Variants in CDH11 observed in about 807,000 individuals in gnomAD.
CDH11 encodes the protein cadherin-11.
Under a neutral mutation model 67.8 loss-of-function variants are expected in CDH11, and 11 were observed. That is an observed-to-expected ratio of 0.16 (90% CI 0.10 to 0.27). The LOEUF (loss-of-function observed/expected upper bound fraction) is 0.27, where lower values mean the gene tolerates loss of function less well. CDH11 is among the 10% of genes least tolerant of loss of function. CDH11 has a pLI of 1.00. For missense variants in CDH11, 847 were observed against 1,031.2 expected, an observed-to-expected ratio of 0.82 and a Z score of 2.45; for synonymous variants, 419 against 400.0, an observed-to-expected ratio of 1.05 and a Z score of -0.57.
At position 65,066,017 on chromosome 16, in the gene CDH11, C is replaced by T. The variant is rs115794640; in HGVS notation, c.-297-12089G>A. Reference sequence around the variant, plus strand: ...AGGGATTCACATCCATGCAGTCTGACGCCAGAGCGTCCTCTCTTAAGCACC... The same window carrying T: ...AGGGATTCACATCCATGCAGTCTGATGCCAGAGCGTCCTCTCTTAAGCACC... On this transcript the variant is annotated intron_variant, in intron 1 of 12. Transcript: ENST00000268603. Among the ~76,000 whole-genome samples the T allele has an allele frequency of 6.6e-3, 1,006 of 152,322 alleles. 13 individuals carry two copies. The highest frequency in any genetic ancestry group is 0.022 in the African/African-American group (932 of 41,578).
intron 2 of CDH11, among the ~76,000 whole-genome samples, chr16:65,010,714 C>G (rs1407276232): frequency 1.3e-5 from 2 of 151,904 alleles, no homozygotes; most frequent in African/African-American, 4.8e-5. Flanking sequence ...ATCTGAGTCT[C>G]TGCTTCTGGA....
At chr16:65,061,892 A>T (rs922493774) in intron 1 of CDH11, among the ~76,000 whole-genome samples, 2 of 152,224 alleles carry the variant, frequency 1.3e-5, no homozygotes, top group Admixed American at 6.5e-5. Flanking sequence ...TGACAATCTT[A>T]TAAGTCAGGT....
At chr16:65,060,159 TA>T in intron 1 of CDH11, among the ~76,000 whole-genome samples, 1 of 152,314 alleles carries the variant, frequency 6.6e-6, no homozygotes. Context: ...CTAGAGAAGT[TA>T]AACAACTTGC....
intron 1 of CDH11, among the ~76,000 whole-genome samples, chr16:65,117,845 C>T (rs2075267414): frequency 6.6e-6 from 1 of 151,894 alleles, no homozygotes; most frequent in East Asian, 1.9e-4. Context: ...CCTCCCAGAT[C>T]ACTGTCTCAG....
chr16:64,985,490 A>T (rs1013051555), intron 7 of CDH11: 1 of 151,784 alleles, frequency 6.6e-6, no homozygotes, highest in Non-Finnish European at 1.5e-5. Context: ...GCCCATCATG[A>T]GTTATTTTTT....
At chr16:65,044,279 T>C (rs1303597118) in intron 2 of CDH11, among the ~76,000 whole-genome samples, 1 of 152,208 alleles carries the variant, frequency 6.6e-6, no homozygotes, top group Non-Finnish European at 1.5e-5. Context: ...TAATTGGCGA[T>C]GTGGTAACCC....
intron 3 of CDH11, among the ~76,000 whole-genome samples, chr16:65,004,244 G>T (rs1185577245): frequency 1.3e-5 from 2 of 152,062 alleles, no homozygotes; most frequent in Non-Finnish European, 2.9e-5. Context: ...ATGGTGGCAT[G>T]AACCTGTAGT....
intron 1 of CDH11, among the ~76,000 whole-genome samples, chr16:65,106,932 T>G (rs1480008192): frequency 6.6e-6 from 1 of 151,640 alleles, no homozygotes; most frequent in African/African-American, 2.4e-5. Flanking sequence ...CCATCAATCT[T>G]GTATGCCTGA....
chr16:65,118,152 A>T (rs1156759845), intron 1 of CDH11, among the ~76,000 whole-genome samples: 2 of 152,232 alleles, frequency 1.3e-5, no homozygotes, highest in African/African-American at 4.8e-5. Flanking sequence ...CAGTTGGAGA[A>T]GGGTGCCATT....
chr16:64,952,874 T>C (rs1237634293), intron 11 of CDH11, among the ~76,000 whole-genome samples: 1 of 152,180 alleles, frequency 6.6e-6, no homozygotes, highest in Non-Finnish European at 1.5e-5. Context: ...TTAATATATT[T>C]TAGGTTAAAG....
In CDH11 at chr16:64,999,818, A is replaced by G. The variant is rs919367; in HGVS notation, c.229-962T>C. 1.5e-3 allele frequency among the ~76,000 whole-genome samples: 229 copies of G among 152,268 alleles called. 2 individuals are homozygous for G. Among genetic ancestry groups the G allele is most frequent in the African/African-American group, 5.4e-3 (224 of 41,560 alleles). ...CCAAAGTGCTGGGATTACACACATGAGCCACCATGCCTGGCCAATGTTTTT... is the reference window on the plus strand; with the variant it reads ...CCAAAGTGCTGGGATTACACACATGGGCCACCATGCCTGGCCAATGTTTTT... On this transcript the variant is annotated intron_variant, in intron 3 of 12. Coordinates refer to ENST00000268603, the MANE Select transcript of CDH11 (RefSeq NM_001797.4).
At chr16:64,961,779 G>C (rs1200732464) in intron 11 of CDH11, among the ~76,000 whole-genome samples, 1 of 151,938 alleles carries the variant, frequency 6.6e-6, no homozygotes, top group Non-Finnish European at 1.5e-5. Context: ...ATAATTACCA[G>C]GTCACTAGGC....
At chr16:65,083,193 A>T (rs2074641220) in intron 1 of CDH11, among the ~76,000 whole-genome samples, 1 of 152,172 alleles carries the variant, frequency 6.6e-6, no homozygotes, top group Admixed American at 6.5e-5. Context: ...GCTCCTTTTC[A>T]GATTTGGAAT....
intron 1 of CDH11, among the ~76,000 whole-genome samples, chr16:65,061,830 A>G (rs547486693): frequency 5.9e-5 from 9 of 152,338 alleles, no homozygotes; most frequent in Non-Finnish European, 7.3e-5. Flanking sequence ...AGAATTTCCA[A>G]TGGACCAGGT....
chr16:65,083,213 C>T lies in CDH11; in HGVS notation c.-297-29285G>A, dbSNP rs539029405. Among the ~76,000 whole-genome samples the T allele has an allele frequency of 2.6e-5, 4 of 152,230 alleles. No homozygotes were observed. In the South Asian group the frequency reaches 8.3e-4, roughly 32 times the overall value. On this transcript the variant is annotated intron_variant, in intron 1 of 12. Transcript: ENST00000268603. ...TTTTCAGATTTGGAATTTGGATCCACGTTTGTCTCCCTGCAAAGCCTGCAC... is the reference window on the plus strand; with the variant it reads ...TTTTCAGATTTGGAATTTGGATCCATGTTTGTCTCCCTGCAAAGCCTGCAC...
chr16:65,050,624 GA>G (rs2074038873), intron 2 of CDH11, among the ~76,000 whole-genome samples: 1 of 152,144 alleles, frequency 6.6e-6, no homozygotes, highest in Non-Finnish European at 1.5e-5. Flanking sequence ...CCATCAAGAA[GA>G]AGCTTAACCT....
intron 1 of CDH11, among the ~76,000 whole-genome samples, chr16:65,090,951 T>C (rs1304543464): frequency 6.6e-6 from 1 of 152,200 alleles, no homozygotes; most frequent in African/African-American, 2.4e-5. Flanking sequence ...AAATTGAAAA[T>C]GAATAAAATT....
intron 1 of CDH11, among the ~76,000 whole-genome samples, chr16:65,106,169 A>T (rs1303343156): frequency 6.6e-6 from 1 of 152,168 alleles, no homozygotes; most frequent in Non-Finnish European, 1.5e-5. Flanking sequence ...ACAGAGCTCA[A>T]CTGTTTTTCC....
At chr16:65,048,453 T>A (rs1025372223) in intron 2 of CDH11, among the ~76,000 whole-genome samples, 1 of 152,178 alleles carries the variant, frequency 6.6e-6, no homozygotes, top group African/African-American at 2.4e-5. Context: ...ATGTGTCTAT[T>A]ACAACACTAT....
Sources: allele counts gnomAD v4.1 joint callset (sites outside exome capture counted in the v4.1 genomes callset), GRCh38; gene constraint gnomAD v4.1.1; transcripts MANE v1.5; gene names NCBI Gene and HGNC (gene_info 2026-07-23, HGNC 2026-07-21).